The following LAMA2 variants were observed in gnomAD, a reference collection of about 807,000 sequenced individuals.
LAMA2 encodes the protein laminin subunit alpha 2.
Under a neutral mutation model 364.8 loss-of-function variants are expected in LAMA2, and 269 were observed. The ratio of observed to expected loss-of-function variants is 0.74; its 90% confidence interval spans 0.67 to 0.82. LAMA2 has a LOEUF of 0.82. Among genes scored for constraint, LAMA2 ranks in the 40% least tolerant of loss-of-function variants. The probability of loss-of-function intolerance (pLI) is 0.00; values close to 1 mark genes in which losing one functional copy is unlikely to be tolerated. For missense variants in LAMA2, 3,807 were observed against 3,873.2 expected (o/e 0.98, Z 0.45); for synonymous variants, 1,379 against 1,370.6 (o/e 1.01, Z -0.14).
intron 29 of LAMA2, among the ~76,000 whole-genome samples, chr6:129,340,180 C>A (rs1324797964): frequency 6.6e-6 from 1 of 152,022 alleles, no homozygotes. Context: ...AAACCAGAAG[C>A]CTGTTTAAAG....
intron 12 of LAMA2, among the ~76,000 whole-genome samples, chr6:129,224,245 G>A (rs139787827): frequency 0.017 from 2,580 of 152,200 alleles, 81 homozygotes; most frequent in African/African-American, 0.06. Flanking sequence ...GAGATTTTGG[G>A]CTGAGACAAT....
At chr6:129,228,221 C>T (rs143185888) in intron 12 of LAMA2, among the ~76,000 whole-genome samples, 16 of 152,244 alleles carry the variant, frequency 1.1e-4, no homozygotes, top group East Asian at 5.8e-4. Flanking sequence ...TTCCAGGTGC[C>T]GTCTGTCACA....
intron 16 of LAMA2, among the ~76,000 whole-genome samples, chr6:129,269,185 A>G (rs914029083): frequency 5.9e-5 from 9 of 152,028 alleles, no homozygotes; most frequent in African/African-American, 1.9e-4. Context: ...TATTTAAAAG[A>G]CATTTTAACT....
chr6:129,212,788 G>A (rs1394940478), intron 12 of LAMA2, among the ~76,000 whole-genome samples: 1 of 152,178 alleles, frequency 6.6e-6, no homozygotes, highest in Non-Finnish European at 1.5e-5. Flanking sequence ...AAAATAAACA[G>A]ATACAATAAT....
intron 4 of LAMA2, among the ~76,000 whole-genome samples, chr6:129,120,510 G>A (rs1776745496): frequency 6.6e-6 from 1 of 152,132 alleles, no homozygotes; most frequent in Non-Finnish European, 1.5e-5. Flanking sequence ...AAAATGTTTT[G>A]GGGTTTCAGA....
At chr6:129,138,881 A>G (rs941262530) in intron 4 of LAMA2, among the ~76,000 whole-genome samples, 2 of 152,136 alleles carry the variant, frequency 1.3e-5, no homozygotes, top group African/African-American at 2.4e-5. Flanking sequence ...GTGGTGCTCT[A>G]TTATGAGAAA....
chr6:129,013,756 CATATAGAGAATTTATTCTCTATAT>C (rs1784910034), intron 1 of LAMA2, among the ~76,000 whole-genome samples: 2 of 151,838 alleles, frequency 1.3e-5, no homozygotes, highest in South Asian at 4.2e-4. Flanking sequence ...AGCCAGTTCT[CATATAGAGAATTTATTCTCTATAT>C]GAGAATAGAG....
intron 1 of LAMA2, among the ~76,000 whole-genome samples, chr6:129,016,469 A>C (rs1299303883): frequency 2.0e-5 from 3 of 152,050 alleles, no homozygotes; most frequent in African/African-American, 7.2e-5. Flanking sequence ...ATTTCATAGT[A>C]TCATAATATT....
At chr6:129,126,003 C>A (rs1777096942) in intron 4 of LAMA2, among the ~76,000 whole-genome samples, 1 of 152,064 alleles carries the variant, frequency 6.6e-6, no homozygotes, top group Admixed American at 6.6e-5. Context: ...CATATTTAAA[C>A]CTACACCATA....
intron 35 of LAMA2, among the ~76,000 whole-genome samples, chr6:129,385,355 G>A (rs1778954887): frequency 1.3e-5 from 2 of 150,654 alleles, no homozygotes; most frequent in Admixed American, 6.6e-5. Context: ...GAAAGGGAGG[G>A]ACGGAAGGAA....
intron 62 of LAMA2, among the ~76,000 whole-genome samples, chr6:129,508,353 A>G (rs1786276795): frequency 6.6e-6 from 1 of 152,132 alleles, no homozygotes; most frequent in Non-Finnish European, 1.5e-5. Flanking sequence ...ATCACCTCAA[A>G]CATGTATCCT....
In LAMA2 at chr6:129,475,491, A is replaced by C. The variant is rs114537255; in HGVS notation, c.7451+90A>C. 401 of 891,560 alleles carry C rather than the reference A, an allele frequency of 4.5e-4. 2 individuals are homozygous for C. The African/African-American group carries it at 5.9e-3, about 13-fold the overall frequency. The allele number at this position is 891,560 out of a possible 1,614,324, so 55.2% of individuals were successfully genotyped here. A position where few individuals can be genotyped will look rare whatever the true frequency, so the allele number is the denominator to read the frequency against. On this transcript the variant is annotated intron_variant, in intron 53 of 64. Coordinates refer to ENST00000421865, the MANE Select transcript of LAMA2 (RefSeq NM_000426.4). ...TAAAGCAGCCGTGCAGAAGCAGAGCAACACCAGTACAGCTTTGTTCATAGT... is the reference window on the plus strand; with the variant it reads ...TAAAGCAGCCGTGCAGAAGCAGAGCCACACCAGTACAGCTTTGTTCATAGT...
At chr6:128,931,426 T>A (rs1468146877) in intron 1 of LAMA2, among the ~76,000 whole-genome samples, 2 of 152,314 alleles carry the variant, frequency 1.3e-5, no homozygotes, top group East Asian at 3.9e-4. Flanking sequence ...AATGAATGAA[T>A]GAATGAATGA....
chr6:129,342,455 C>T lies in LAMA2; in HGVS notation c.4424C>T (p.Ser1475Phe). 1.2e-6 allele frequency: 2 copies of T among 1,613,158 alleles called. No homozygotes were observed. ...DCQQCACPLI[S>F]SSNNFSPSCV... ...CAGCAATGTGCCTGCCCTCTGATTT[C>T]TTCCAGTAACAAGTAAGATTGAGAA... The change falls in exon 30 of 65, where the codon TCT becomes TTT. Residue 1475 changes from serine to phenylalanine, a missense_variant. Around this residue, in one of 3 missense-constraint regions of LAMA2, gnomAD observed 3,333 missense variants for 3,345.7 expected, o/e 1.00. Coordinates refer to ENST00000421865, the MANE Select transcript of LAMA2 (RefSeq NM_000426.4).
intron 17 of LAMA2, among the ~76,000 whole-genome samples, chr6:129,276,493 T>C (rs1051000584): frequency 1.3e-5 from 2 of 152,178 alleles, no homozygotes; most frequent in African/African-American, 2.4e-5. Context: ...TTTTAGAGTA[T>C]TGGATTAACT....
chr6:129,115,443 G>A (rs999954829), intron 4 of LAMA2, among the ~76,000 whole-genome samples: 13 of 151,962 alleles, frequency 8.6e-5, no homozygotes, highest in Non-Finnish European at 1.5e-4. Flanking sequence ...TTATTTGTCG[G>A]ATGCATATAG....
chr6:129,460,149 A>T (rs553480106), intron 48 of LAMA2, 51 bp from the exon 49 acceptor site: 3 of 1,583,192 alleles, frequency 1.9e-6, no homozygotes, highest in East Asian at 2.2e-5. Flanking sequence ...ATAAACCAAG[A>T]TTATTTGTGA....
At chr6:128,942,226 T>A (rs1168191219) in intron 1 of LAMA2, among the ~76,000 whole-genome samples, 1 of 152,100 alleles carries the variant, frequency 6.6e-6, no homozygotes, top group Admixed American at 6.5e-5. Flanking sequence ...ATTTCCCCTT[T>A]TATCTTTTAT....
At chr6:129,254,301 G>A (rs1479400612) in intron 14 of LAMA2, among the ~76,000 whole-genome samples, 2 of 152,184 alleles carry the variant, frequency 1.3e-5, no homozygotes, top group African/African-American at 2.4e-5. Context: ...ACTGGACTGC[G>A]GGTCAAGAAT....
Sources: allele counts gnomAD v4.1 joint callset (sites outside exome capture counted in the v4.1 genomes callset), GRCh38; gene constraint gnomAD v4.1.1; regional missense constraint gnomAD v4.1.1; transcripts MANE v1.5; gene names NCBI Gene and HGNC (gene_info 2026-07-23, HGNC 2026-07-21).